ANKRD6: variants seen among roughly 807,000 people sequenced by gnomAD.
The protein encoded by ANKRD6 is ankyrin repeat domain 6.
ANKRD6 carries 56 observed loss-of-function variants against 82.3 expected under a neutral mutation model. That is an observed-to-expected ratio of 0.68 (90% CI 0.55 to 0.85). The LOEUF (loss-of-function observed/expected upper bound fraction) is 0.85. Ranked by LOEUF, ANKRD6 falls within the 40% of genes least tolerant of loss-of-function variation. The pLI is 0.00. For missense variants in ANKRD6, 852 were observed against 907.6 expected (o/e 0.94, Z 0.79); for synonymous variants, 347 against 352.1 (o/e 0.99, Z 0.16).
intron 2 of ANKRD6, among the ~76,000 whole-genome samples, chr6:89,573,475 T>A: frequency 6.6e-6 from 1 of 152,152 alleles, no homozygotes. Flanking sequence ...CATTTATCCT[T>A]CTTTCTGATT....
At chr6:89,509,876 A>G (rs1780325214) in intron 1 of ANKRD6, among the ~76,000 whole-genome samples, 1 of 152,214 alleles carries the variant, frequency 6.6e-6, no homozygotes. Flanking sequence ...AAGTATGCTG[A>G]CTTCACAATC....
chr6:89,603,497 T>A (rs888973229), intron 4 of ANKRD6, among the ~76,000 whole-genome samples: 8 of 152,036 alleles, frequency 5.3e-5, no homozygotes, highest in South Asian at 2.1e-4. Context: ...TTGTATTTTT[T>A]AAAAATCTTT....
At chr6:89,445,522 C>T (rs1771964481) in intron 1 of ANKRD6, among the ~76,000 whole-genome samples, 4 of 152,136 alleles carry the variant, frequency 2.6e-5, no homozygotes, top group Non-Finnish European at 4.4e-5. Flanking sequence ...TCTCTGCTCA[C>T]CGCAACCTCC....
At chr6:89,463,432 TA>T in intron 1 of ANKRD6, among the ~76,000 whole-genome samples, 1 of 152,210 alleles carries the variant, frequency 6.6e-6, no homozygotes, top group East Asian at 1.9e-4. Flanking sequence ...AATTAATTCC[TA>T]AAGATGAATT....
At chr6:89,470,776 T>C (rs1465883678) in intron 1 of ANKRD6, among the ~76,000 whole-genome samples, 2 of 152,266 alleles carry the variant, frequency 1.3e-5, no homozygotes, top group African/African-American at 4.8e-5. Context: ...CCTGTTATCT[T>C]TTTAGGATAA....
At chr6:89,506,192 A>C (rs1779829520) in intron 1 of ANKRD6, among the ~76,000 whole-genome samples, 1 of 152,046 alleles carries the variant, frequency 6.6e-6, no homozygotes, top group Admixed American at 6.6e-5. Context: ...AGGAGAGTAG[A>C]TCTTAAGTAT....
chr6:89,574,145 A>T (rs1328015), intron 2 of ANKRD6, among the ~76,000 whole-genome samples: 50,250 of 152,062 alleles, frequency 0.33, 8,576 homozygotes, highest in South Asian at 0.59. Context: ...TGCTTATTAA[A>T]GGCTTATTAA....
chr6:89,437,234 C>G (rs1377661455), intron 1 of ANKRD6, among the ~76,000 whole-genome samples: 1 of 152,126 alleles, frequency 6.6e-6, no homozygotes, highest in Non-Finnish European at 1.5e-5. Flanking sequence ...ATTTGGATGT[C>G]TTATCCCATT....
intron 5 of ANKRD6, among the ~76,000 whole-genome samples, chr6:89,607,924 C>T (rs1326455290): frequency 3.8e-5 from 4 of 104,490 alleles, no homozygotes; most frequent in African/African-American, 1.8e-4. Context: ...GGGCATGTGC[C>T]CCCACGCCTG....
At chr6:89,526,590 G>A (rs1468007819) in intron 1 of ANKRD6, among the ~76,000 whole-genome samples, 1 of 152,176 alleles carries the variant, frequency 6.6e-6, no homozygotes, top group African/African-American at 2.4e-5. Context: ...ATGGGTATGG[G>A]GTGAGGGCTC....
At chr6:89,542,946 A>G (rs1784606301) in intron 1 of ANKRD6, among the ~76,000 whole-genome samples, 1 of 152,260 alleles carries the variant, frequency 6.6e-6, no homozygotes, top group African/African-American at 2.4e-5. Flanking sequence ...TGGTCATTAA[A>G]CAGAATGTAA....
intron 1 of ANKRD6, among the ~76,000 whole-genome samples, chr6:89,471,445 G>A (rs1051903392): frequency 2.0e-5 from 3 of 151,570 alleles, no homozygotes; most frequent in African/African-American, 7.3e-5. Context: ...TTGAAGCCAC[G>A]AGACTGGATG....
At chr6:89,627,315 C>T (rs1006725587) in intron 13 of ANKRD6, among the ~76,000 whole-genome samples, 1 of 152,178 alleles carries the variant, frequency 6.6e-6, no homozygotes. Flanking sequence ...TGGCGCACCA[C>T]GCCTGGCCTG....
At chr6:89,573,145 T>G (rs999232770) in intron 2 of ANKRD6, among the ~76,000 whole-genome samples, 2 of 152,164 alleles carry the variant, frequency 1.3e-5, no homozygotes, top group Non-Finnish European at 1.5e-5. Flanking sequence ...ATGAGCAACT[T>G]CCTGGGCGAT....
chr6:89,567,170 C>G (rs1788710857), intron 2 of ANKRD6, 74 bp downstream of exon 2: 1 of 1,529,026 alleles, frequency 6.5e-7, no homozygotes, highest in Non-Finnish European at 8.8e-7. Flanking sequence ...TGAAAAACTG[C>G]TGTGTTTGGT....
At chr6:89,441,081 C>T (rs752348187) in intron 1 of ANKRD6, among the ~76,000 whole-genome samples, 23 of 152,076 alleles carry the variant, frequency 1.5e-4, no homozygotes, top group Non-Finnish European at 2.8e-4. Flanking sequence ...TAGTTAGAAC[C>T]TACTTAATCT....
chr6:89,617,832 C>T (rs547764419), intron 8 of ANKRD6, 122 bp from the exon 9 acceptor site: 39 of 893,878 alleles, frequency 4.4e-5, no homozygotes, highest in Admixed American at 2.2e-4. Context: ...TGTTTTGCCA[C>T]GTAGGTGCTG....
At chr6:89,453,752 T>TA (rs1773161838) in intron 1 of ANKRD6, among the ~76,000 whole-genome samples, 1 of 150,872 alleles carries the variant, frequency 6.6e-6, no homozygotes, top group African/African-American at 2.4e-5. Flanking sequence ...TTTTTGTATT[T>TA]TTTATTTATT....
At chr6:89,544,647 G>T (rs1784837423) in intron 1 of ANKRD6, among the ~76,000 whole-genome samples, 1 of 152,146 alleles carries the variant, frequency 6.6e-6, no homozygotes, top group Non-Finnish European at 1.5e-5. Flanking sequence ...CCAGGAGGCG[G>T]AGGTTGCAGT....
Sources: gnomAD v4.1 joint callset for allele counts (sites outside exome capture counted in the v4.1 genomes callset) on GRCh38, gnomAD v4.1.1 for gene constraint, MANE v1.5 for transcripts, NCBI Gene and HGNC (gene_info 2026-07-23, HGNC 2026-07-21) for gene names.